The following SGK1 variants were observed in gnomAD, a reference collection of about 807,000 sequenced individuals.
SGK1 encodes serine/threonine-protein kinase Sgk1.
SGK1 carries 26 observed loss-of-function variants against 64.2 expected under a neutral mutation model. The observed-to-expected ratio is 0.40, with a 90% CI of 0.30 to 0.56. SGK1 has a LOEUF of 0.56. Among genes scored for constraint, SGK1 ranks in the 20% least tolerant of loss-of-function variants. The pLI is 0.38. For missense variants in SGK1, 519 were observed against 645.6 expected, an observed-to-expected ratio of 0.80 and a Z score of 2.12; for synonymous variants, 265 against 239.7, an observed-to-expected ratio of 1.11 and a Z score of -0.98.
intron 3 of SGK1, chr6:134,174,828 A>G (rs762864068): frequency 2.5e-6 from 4 of 1,613,808 alleles, no homozygotes; most frequent in Middle Eastern, 1.7e-4. Flanking sequence ...GGGAGACAGA[A>G]AGACGTTAGC....
intron 3 of SGK1, 115 bp from the exon 4 acceptor site, chr6:134,174,701 A>G (rs948348882): frequency 6.2e-7 from 1 of 1,613,800 alleles, no homozygotes; most frequent in Non-Finnish European, 8.5e-7. Context: ...CGTCTCCTGG[A>G]GCAGAAGTCC....
intron 2 of SGK1, among the ~76,000 whole-genome samples, chr6:134,254,889 A>G (rs1454544927): frequency 1.3e-5 from 2 of 151,802 alleles, no homozygotes; most frequent in Non-Finnish European, 2.9e-5. Flanking sequence ...CTTTTTTGAG[A>G]CAGAGTTTTG....
At chr6:134,207,553 C>T (rs1158542009) in intron 2 of SGK1, 122 bp from the exon 3 acceptor site, 1 of 706,092 alleles carries the variant, frequency 1.4e-6, no homozygotes, top group Admixed American at 2.3e-5. Flanking sequence ...CATGTCTGTG[C>T]TCTAATTAGG....
rs544339812 is a variant in SGK1, at chr6:134,170,005, C to A, written c.*263G>T. 3.9e-6 allele frequency: 1 copy of A among 256,940 alleles called. No individual in the cohort carries two copies. The highest frequency in any genetic ancestry group is 7.0e-5 in the East Asian group (1 of 14,244). The allele number at this position is 256,940 out of a possible 1,614,324, so 15.9% of individuals were successfully genotyped here. ...CGCTTTCTAACGAAACTCCTGCCTC[C>A]GTCTAAGGCGGCACTCTAACGCTCG... On this transcript the variant is annotated 3_prime_UTR_variant, in exon 14 of 14. Coordinates refer to ENST00000367858, the MANE Select transcript of SGK1 (RefSeq NM_001143676.3).
At chr6:134,205,615 T>G (rs1775756951) in intron 3 of SGK1, among the ~76,000 whole-genome samples, 2 of 152,198 alleles carry the variant, frequency 1.3e-5, no homozygotes, top group South Asian at 4.1e-4. Context: ...CAGTCCACTC[T>G]CCATTCTCCT....
At chr6:134,203,661 G>C (rs1445499018) in intron 3 of SGK1, among the ~76,000 whole-genome samples, 1 of 152,176 alleles carries the variant, frequency 6.6e-6, no homozygotes, top group African/African-American at 2.4e-5. Flanking sequence ...TGGACTGGCT[G>C]TATCTATCAG....
At chr6:134,305,006 T>C (rs1777513354) in intron 1 of SGK1, among the ~76,000 whole-genome samples, 1 of 152,198 alleles carries the variant, frequency 6.6e-6, no homozygotes, top group African/African-American at 2.4e-5. Context: ...AGCACTTTAC[T>C]ACATGGATCC....
At chr6:134,215,945 G>A (rs962683428) in intron 2 of SGK1, among the ~76,000 whole-genome samples, 9 of 152,178 alleles carry the variant, frequency 5.9e-5, no homozygotes, top group African/African-American at 2.2e-4. Context: ...GAACCCAGGA[G>A]GCGGAGGTTG....
At chr6:134,301,046 T>C (rs1050408295) in intron 1 of SGK1, among the ~76,000 whole-genome samples, 1 of 152,342 alleles carries the variant, frequency 6.6e-6, no homozygotes, top group Admixed American at 6.5e-5. Context: ...AAATGAGTTA[T>C]GTAGTAGTAT....
rs202137421 is a variant in SGK1 at position 134,174,150 on chromosome 6, G to GT, written c.438-71dup. The GT allele has an allele frequency of 2.9e-5, 33 of 1,130,978 alleles. 1 individual carries two copies. In the South Asian group the frequency reaches 4.3e-4, roughly 15 times the overall value. 70.1% of individuals were successfully genotyped at this position (1,130,978 alleles called of 1,614,324 possible). On this transcript the variant is annotated intron_variant, in intron 4 of 13. Transcript: ENST00000367858. Reference sequence around the variant, plus strand: ...GGGGGCACACCAACATCAAAAGTGAGTTTCTGGCTCTACCGACTTCTACCC... The same window carrying GT: ...GGGGGCACACCAACATCAAAAGTGAGTTTTCTGGCTCTACCGACTTCTACCC...
At chr6:134,183,865 C>A (rs1272698845) in intron 3 of SGK1, among the ~76,000 whole-genome samples, 2 of 136,318 alleles carry the variant, frequency 1.5e-5, no homozygotes, top group African/African-American at 5.3e-5. Context: ...CCCCACCCCC[C>A]ACCCCCGGCA....
At chr6:134,203,577 C>A (rs757394898) in intron 3 of SGK1, among the ~76,000 whole-genome samples, 3 of 151,924 alleles carry the variant, frequency 2.0e-5, no homozygotes, top group Non-Finnish European at 4.4e-5. Context: ...AAGATAAGCA[C>A]CTTAACTATA....
intron 2 of SGK1, among the ~76,000 whole-genome samples, chr6:134,245,513 C>A (rs1227486500): frequency 6.6e-6 from 1 of 152,176 alleles, no homozygotes; most frequent in African/African-American, 2.4e-5. Flanking sequence ...TAGAGAAGGG[C>A]AAACTTGAAG....
Position 134,317,802 on chromosome 6 carries a change from C to A in SGK1, c.-342G>T. On this transcript the variant is annotated 5_prime_UTR_variant, in exon 1 of 14. Transcript: ENST00000367858. ...CGAGCGGGAGAAGGGTACGCCTCCCCGCCCCCAGCTACCTGGCTGCTCTTC... is the reference window on the plus strand; with the variant it reads ...CGAGCGGGAGAAGGGTACGCCTCCCAGCCCCCAGCTACCTGGCTGCTCTTC... The A allele has an allele frequency of 4.3e-6, 1 of 232,062 alleles. No homozygotes were observed. The highest frequency in any genetic ancestry group is 8.3e-6 in the Non-Finnish European group (1 of 120,082). The allele number at this position is 232,062 out of a possible 1,614,324, so 14.4% of individuals were successfully genotyped here.
chr6:134,304,781 A>G (rs1383158452), intron 1 of SGK1, among the ~76,000 whole-genome samples: 1 of 152,204 alleles, frequency 6.6e-6, no homozygotes, highest in Non-Finnish European at 1.5e-5. Flanking sequence ...TGAAAAACAC[A>G]TAAGAGGAGA....
chr6:134,177,698 C>A, intron 3 of SGK1: 4 of 1,613,964 alleles, frequency 2.5e-6, no homozygotes, highest in Non-Finnish European at 3.4e-6. Flanking sequence ...TTCTTTCATT[C>A]TTCGGGTTGC....
intron 1 of SGK1, among the ~76,000 whole-genome samples, chr6:134,296,329 G>A (rs61588228): frequency 0.012 from 1,792 of 152,284 alleles, 26 homozygotes; most frequent in African/African-American, 0.041. Context: ...CTGGAGTGCA[G>A]TGGGGCAATT....
chr6:134,191,673 G>GT (rs781544198), intron 3 of SGK1, among the ~76,000 whole-genome samples: 3,082 of 140,882 alleles, frequency 0.022, 60 homozygotes, highest in African/African-American at 0.05. Context: ...TTTTGTTTTT[G>GT]TTTTTTTTTT....
intron 3 of SGK1, chr6:134,175,637 C>T: frequency 3.3e-6 from 5 of 1,531,296 alleles, no homozygotes; most frequent in South Asian, 1.2e-5. Flanking sequence ...CGGGCTCTGG[C>T]CAGCGCGCCC....
Sources: gnomAD v4.1 joint callset for allele counts (sites outside exome capture counted in the v4.1 genomes callset) on GRCh38, gnomAD v4.1.1 for gene constraint, MANE v1.5 for transcripts, NCBI Gene and HGNC (gene_info 2026-07-23, HGNC 2026-07-21) for gene names.